The following ADGRL4 variants were observed in gnomAD, a reference collection of about 807,000 sequenced individuals.
ADGRL4 encodes EGF, latrophilin and seven transmembrane domain containing 1.
Under a neutral mutation model 74.8 loss-of-function variants are expected in ADGRL4, and 90 were observed. That is an observed-to-expected ratio of 1.20 (90% CI 1.02 to 1.43). The LOEUF is 1.43. Among genes scored for constraint, ADGRL4 ranks in the 40% most tolerant of loss-of-function variants. The pLI is 0.00. For missense variants in ADGRL4, 881 were observed against 814.3 expected, an observed-to-expected ratio of 1.08 and a Z score of -1.00; for synonymous variants, 311 against 279.2, an observed-to-expected ratio of 1.11 and a Z score of -1.14.
At chr1:78,900,069 G>A (rs916112114) in intron 12 of ADGRL4, among the ~76,000 whole-genome samples, 1 of 152,126 alleles carries the variant, frequency 6.6e-6, no homozygotes, top group African/African-American at 2.4e-5. Flanking sequence ...AAATGAAGTG[G>A]AGGTAGAGAA....
chr1:78,994,549 T>C (rs1650676916), intron 2 of ADGRL4, among the ~76,000 whole-genome samples: 1 of 152,186 alleles, frequency 6.6e-6, no homozygotes, highest in Non-Finnish European at 1.5e-5. Context: ...CAGTCACTAA[T>C]GAAAAGCAGG....
At chr1:78,926,056 AC>A (rs1230506455) in intron 8 of ADGRL4, among the ~76,000 whole-genome samples, 4 of 151,910 alleles carry the variant, frequency 2.6e-5, no homozygotes, top group Admixed American at 6.6e-5. Context: ...GTTTCTCTCT[AC>A]CTTCAATGTT....
At chr1:78,930,681 C>T (rs1056028882) in intron 7 of ADGRL4, among the ~76,000 whole-genome samples, 3 of 151,046 alleles carry the variant, frequency 2.0e-5, no homozygotes, top group Admixed American at 1.3e-4. Flanking sequence ...GAACTCCTGA[C>T]CTCATGATCC....
At chr1:78,956,533 G>T (rs963962423) in intron 2 of ADGRL4, among the ~76,000 whole-genome samples, 10 of 152,018 alleles carry the variant, frequency 6.6e-5, no homozygotes, top group African/African-American at 2.4e-4. Flanking sequence ...TTTAATTTTT[G>T]GTAAGGCAAG....
chr1:78,929,176 T>C (rs1649184577), intron 7 of ADGRL4, among the ~76,000 whole-genome samples: 1 of 151,374 alleles, frequency 6.6e-6, no homozygotes, highest in African/African-American at 2.5e-5. Context: ...TTCTCAACCC[T>C]TCCTCCTTAC....
Position 78,967,011 on chromosome 1 carries a change from T to C in ADGRL4, c.173-20585A>G, listed in dbSNP as rs116458604. ...TTCTCCTGCCTCTGTGTAGTATGCGTTGTGTACGTGACATCTGTAATAAGA... is the reference window on the plus strand; with the variant it reads ...TTCTCCTGCCTCTGTGTAGTATGCGCTGTGTACGTGACATCTGTAATAAGA... On this transcript the variant is annotated intron_variant, in intron 2 of 14. Coordinates refer to ENST00000370742, the MANE Select transcript of ADGRL4 (RefSeq NM_022159.4). Among the ~76,000 whole-genome samples, 338 of 152,164 alleles carry C rather than the reference T, an allele frequency of 2.2e-3. 2 individuals are homozygous for C. Among genetic ancestry groups the C allele is most frequent in the African/African-American group, 7.7e-3 (319 of 41,512 alleles).
Position 78,910,873 on chromosome 1 carries a change from T to G in ADGRL4, c.1749+6761A>C, listed in dbSNP as rs188575481. Among the ~76,000 whole-genome samples the G allele has an allele frequency of 1.3e-3, 203 of 151,938 alleles. 2 individuals carry two copies. Among genetic ancestry groups the G allele is most frequent in the African/African-American group, 4.7e-3 (197 of 41,546 alleles). ...ATCAATGAGGTCACTGGTTCATATT[T>G]CAGAATTCTAAGAGATTTTTAATAT... On this transcript the variant is annotated intron_variant, in intron 12 of 14. Transcript: ENST00000370742.
At chr1:78,981,481 G>A (rs748790599) in intron 2 of ADGRL4, among the ~76,000 whole-genome samples, 3 of 151,806 alleles carry the variant, frequency 2.0e-5, no homozygotes, top group Non-Finnish European at 4.4e-5. Flanking sequence ...CTTACAATAA[G>A]AGCATCTACC....
At chr1:78,929,969 T>C (rs1178724371) in intron 7 of ADGRL4, among the ~76,000 whole-genome samples, 1 of 151,500 alleles carries the variant, frequency 6.6e-6, no homozygotes, top group Non-Finnish European at 1.5e-5. Flanking sequence ...GATTTGTTCC[T>C]AAATACAAAA....
chr1:78,989,476 G>GT (rs987770153), intron 2 of ADGRL4, among the ~76,000 whole-genome samples: 8 of 126,670 alleles, frequency 6.3e-5, no homozygotes, highest in South Asian at 4.9e-4. Flanking sequence ...TTTTTATTTT[G>GT]TTTTTTTTCC....
At chr1:78,924,309 T>C (rs1649069073) in intron 8 of ADGRL4, among the ~76,000 whole-genome samples, 1 of 152,036 alleles carries the variant, frequency 6.6e-6, no homozygotes, top group South Asian at 2.1e-4. Context: ...ATATAAAATC[T>C]GATAATGCAA....
rs1232086251 is a variant in ADGRL4, at chr1:78,900,302, T to C, written c.1750-7113A>G. On this transcript the variant is annotated intron_variant, in intron 12 of 14. Transcript: ENST00000370742. ...CGCAGTCCCTCCAGAGACATTGATATCTTGATTTTAGCCCAGTGAGACTCT... is the reference window on the plus strand; with the variant it reads ...CGCAGTCCCTCCAGAGACATTGATACCTTGATTTTAGCCCAGTGAGACTCT... Among the ~76,000 whole-genome samples, 5 of 152,128 alleles carry C rather than the reference T, an allele frequency of 3.3e-5. No individual in the cohort carries two copies. The East Asian group carries it at 9.7e-4, about 29-fold the overall frequency.
intron 2 of ADGRL4, among the ~76,000 whole-genome samples, chr1:78,969,657 G>A (rs1165586882): frequency 6.6e-6 from 1 of 150,720 alleles, no homozygotes; most frequent in East Asian, 1.9e-4. Context: ...ACAAGTATAA[G>A]ACTAAAGTCT....
At chr1:78,984,953 T>C (rs1650464843) in intron 2 of ADGRL4, among the ~76,000 whole-genome samples, 1 of 151,666 alleles carries the variant, frequency 6.6e-6, no homozygotes, top group African/African-American at 2.4e-5. Flanking sequence ...TGGCAAATGG[T>C]CAACTAGTAC....
chr1:78,982,073 C>T (rs912389653), intron 2 of ADGRL4, among the ~76,000 whole-genome samples: 5 of 151,766 alleles, frequency 3.3e-5, no homozygotes, highest in Admixed American at 6.6e-5. Context: ...CATTCATATG[C>T]TTTAAATATT....
intron 2 of ADGRL4, among the ~76,000 whole-genome samples, chr1:78,948,036 T>G (rs1388408347): frequency 6.6e-6 from 1 of 152,162 alleles, no homozygotes; most frequent in Non-Finnish European, 1.5e-5. Flanking sequence ...CTTTAACTGA[T>G]GAGAAAAATA....
In ADGRL4 at chr1:78,890,106, A is replaced by G. The variant is rs887204902; in HGVS notation, c.*1048T>C. On this transcript the variant is annotated 3_prime_UTR_variant, in exon 15 of 15. Coordinates refer to ENST00000370742, the MANE Select transcript of ADGRL4 (RefSeq NM_022159.4). ...ACACATTGTTAACAATAACAATTTT[A>G]AGTGTGTACTTTTCTGAACAGAAAA... 2 of 158,570 alleles carry G rather than the reference A, an allele frequency of 1.3e-5. No individual in the cohort carries two copies. The highest frequency in any genetic ancestry group is 2.9e-5 in the Non-Finnish European group (2 of 69,784). The allele number at this position is 158,570 out of a possible 1,614,324, so 9.8% of individuals were successfully genotyped here.
At chr1:78,924,140 C>A (rs746067863) in intron 8 of ADGRL4, among the ~76,000 whole-genome samples, 1 of 151,920 alleles carries the variant, frequency 6.6e-6, no homozygotes, top group Non-Finnish European at 1.5e-5. Flanking sequence ...TAATTGCATT[C>A]AACTTCTCCA....
At chr1:78,973,353 T>G (rs1650208890) in intron 2 of ADGRL4, among the ~76,000 whole-genome samples, 1 of 151,930 alleles carries the variant, frequency 6.6e-6, no homozygotes. Flanking sequence ...AATTGAATGA[T>G]TATTTGTGAA....
Sources: gnomAD v4.1 joint callset for allele counts (sites outside exome capture counted in the v4.1 genomes callset) on GRCh38, gnomAD v4.1.1 for gene constraint, MANE v1.5 for transcripts, NCBI Gene and HGNC (gene_info 2026-07-23, HGNC 2026-07-21) for gene names.